The following HNF1A variants were observed in gnomAD, a reference collection of about 807,000 sequenced individuals.
The protein encoded by HNF1A is hepatocyte nuclear factor 1-alpha.
HNF1A carries 21 observed loss-of-function variants against 62.2 expected under a neutral mutation model. That is an observed-to-expected ratio of 0.34 (90% CI 0.24 to 0.49). The LOEUF (loss-of-function observed/expected upper bound fraction) is 0.49. HNF1A is among the 20% of genes least tolerant of loss of function. The probability of loss-of-function intolerance (pLI) is 0.99; values close to 1 mark genes in which losing one functional copy is unlikely to be tolerated. For missense variants in HNF1A, 687 were observed against 832.3 expected, an observed-to-expected ratio of 0.83 and a Z score of 2.15; for synonymous variants, 374 against 366.8, an observed-to-expected ratio of 1.02 and a Z score of -0.22.
intron 9 of HNF1A, 150 bp downstream of exon 9, chr12:120,999,777 G>A (rs1877334982): frequency 1.8e-6 from 2 of 1,113,820 alleles, no homozygotes; most frequent in Non-Finnish European, 2.5e-6. Flanking sequence ...GTGGAGGGGT[G>A]GGGTGGGCTT....
rs765239803 is a variant in HNF1A, at chr12:120,996,623, A to G, written c.1190A>G (p.Asn397Ser). 1.2e-6 allele frequency: 2 copies of G among 1,614,046 alleles called. No homozygotes were observed. Among genetic ancestry groups the G allele is most frequent in the Middle Eastern group, 1.6e-4 (1 of 6,062 alleles). The change falls in exon 6 of 10, where the codon AAC becomes AGC. Residue 397 changes from asparagine (N) to serine (S), a missense_variant. Asn to Ser is a conservative substitution (Grantham distance 46). Around this residue, in one of 5 missense-constraint regions of HNF1A, gnomAD observed 408 missense variants for 455.3 expected, o/e 0.90. Coordinates refer to ENST00000257555, the MANE Select transcript of HNF1A (RefSeq NM_000545.8). This position sits in a 1 kb window ranked among gnomAD's most constrained non-coding sequence, Gnocchi z 4.5. ...TTGGAGCAGACATCCCCAGGCCTCAACCAGCAGCCCCAGAACCTCATCATG... is the reference window on the plus strand; with the variant it reads ...TTGGAGCAGACATCCCCAGGCCTCAGCCAGCAGCCCCAGAACCTCATCATG... ...HSLEQTSPGL[N>S]QQPQNLIMAS...
In HNF1A at chr12:120,978,740, G is replaced by A. The variant is rs376961226; in HGVS notation, c.-29G>A. The A allele has an allele frequency of 1.9e-4, 305 of 1,609,102 alleles. 1 individual carries two copies. In the African/African-American group the frequency reaches 3.6e-3, roughly 19 times the overall value. On this transcript the variant is annotated 5_prime_UTR_variant, in exon 1 of 10. Transcript: ENST00000257555. Reference sequence around the variant, plus strand: ...GGGAGGCGGCTAGCGTGGTGGACCCGGGCCGCGTGGCCCTGTGGCAGCCGA... The same window carrying A: ...GGGAGGCGGCTAGCGTGGTGGACCCAGGCCGCGTGGCCCTGTGGCAGCCGA...
At chr12:120,997,732 A>T in intron 7 of HNF1A, 67 bp downstream of exon 7, 4 of 1,497,564 alleles carry the variant, frequency 2.7e-6, no homozygotes, top group Non-Finnish European at 3.7e-6. Flanking sequence ...GATGCAGGGG[A>T]AAGGGGTGCC....
intron 1 of HNF1A, among the ~76,000 whole-genome samples, chr12:120,987,371 A>G (rs1876563271): frequency 6.7e-6 from 1 of 148,618 alleles, no homozygotes; most frequent in Non-Finnish European, 1.5e-5. Flanking sequence ...GCTACTTGGG[A>G]GGCTGAGGCA....
rs1025148917 is a variant in HNF1A at position 120,999,559 on chromosome 12, T to C, written c.1700T>C (p.Val567Ala). 1 of 1,612,570 alleles carries C rather than the reference T, an allele frequency of 6.2e-7. No individual in the cohort carries two copies. The highest frequency in any genetic ancestry group is 1.7e-5 in the Admixed American group (1 of 59,952). Residue 567 changes from valine (V) to alanine (A), a missense_variant, in exon 9 of 10, where the codon GTC becomes GCC. Around this residue, in one of 5 missense-constraint regions of HNF1A, gnomAD observed 408 missense variants for 455.3 expected, o/e 0.90. Transcript: ENST00000257555. ...TPASQATTLH[V>A]PSQDPASIQH... The stretch of plus-strand genomic sequence containing the variant: ...GCATCTCAGGCCACCACCCTCCACG[T>C]CCCCAGCCAGGACCCTGCCAGCATC...
At chr12:120,987,611 C>CATAT (rs762199403) in intron 1 of HNF1A, among the ~76,000 whole-genome samples, 19 of 141,758 alleles carry the variant, frequency 1.3e-4, no homozygotes, top group Middle Eastern at 3.8e-3. Flanking sequence ...TATATATACA[C>CATAT]ATATATATAT....
chr12:120,987,489 A>G (rs1876572194), intron 1 of HNF1A, among the ~76,000 whole-genome samples: 1 of 151,088 alleles, frequency 6.6e-6, no homozygotes, highest in Non-Finnish European at 1.5e-5. Flanking sequence ...AAAAAAAAAA[A>G]AAAGAAAAAG....
At chr12:120,993,862 C>T (rs1485894386) in intron 3 of HNF1A, among the ~76,000 whole-genome samples, 156 bp downstream of exon 3, 1 of 152,168 alleles carries the variant, frequency 6.6e-6, no homozygotes, top group Non-Finnish European at 1.5e-5. Context: ...ATACTTGAAC[C>T]TAAGCCCATT....
intron 1 of HNF1A, among the ~76,000 whole-genome samples, chr12:120,982,458 GGA>G (rs1385163289): frequency 7.0e-6 from 1 of 143,336 alleles, no homozygotes; most frequent in African/African-American, 2.6e-5. Flanking sequence ...AGCCACGGCA[GGA>G]GGGGGGGGGG....
chr12:120,987,212 C>T (rs1285925102), intron 1 of HNF1A, among the ~76,000 whole-genome samples: 3 of 151,982 alleles, frequency 2.0e-5, no homozygotes, highest in Non-Finnish European at 4.4e-5. Flanking sequence ...CGGTGGCTCA[C>T]GCCAGTAATC....
chr12:120,991,186 G>C (rs1048224576), intron 2 of HNF1A, among the ~76,000 whole-genome samples: 4 of 152,218 alleles, frequency 2.6e-5, no homozygotes. Flanking sequence ...GAAGTGGACT[G>C]CTGGAACACA....
rs2135832953 is a variant in HNF1A, at chr12:120,989,022, G to A, written c.516G>A (p.Glu172=). 1 of 1,614,200 alleles carries A rather than the reference G, an allele frequency of 6.2e-7. No homozygotes were observed. The highest frequency in any genetic ancestry group is 8.5e-7 in the Non-Finnish European group (1 of 1,180,036). ...CCTGGTACGTCCGCAAGCAGCGAGAGGTGGCGCAGCGTAAGTAATGACCCT... is the reference window on the plus strand; with the variant it reads ...CCTGGTACGTCCGCAAGCAGCGAGAAGTGGCGCAGCGTAAGTAATGACCCT... ...LYTWYVRKQR[E]VAQQFTHAGQ... The change falls in exon 2 of 10, where the codon GAG becomes GAA. Residue 172 remains glutamate (E), a synonymous_variant. Coordinates refer to ENST00000257555, the MANE Select transcript of HNF1A (RefSeq NM_000545.8).
At position 120,996,218 on chromosome 12, in the gene HNF1A, CA is replaced by C; in HGVS notation, c.956-43del. ...TGAGGGCTGTGGAGGCAGGGGAGGG[CA>C]GGGAAGTGGGGTGCTGAGGCAGGAC... On this transcript the variant is annotated intron_variant, in intron 4 of 9. Coordinates refer to ENST00000257555, the MANE Select transcript of HNF1A (RefSeq NM_000545.8). This position sits in a 1 kb window ranked among gnomAD's most constrained non-coding sequence, Gnocchi z 4.5. 6.2e-7 allele frequency: 1 copy of C among 1,610,252 alleles called. No homozygotes were observed. Among genetic ancestry groups the C allele is most frequent in the South Asian group, 1.1e-5 (1 of 90,982 alleles).
chr12:120,999,775 G>A (rs1273339289), intron 9 of HNF1A, 148 bp downstream of exon 9: 11 of 1,126,640 alleles, frequency 9.8e-6, no homozygotes, highest in Non-Finnish European at 1.3e-5. Context: ...GCGTGGAGGG[G>A]TGGGGTGGGC....
rs1213573779 is a variant in HNF1A, at chr12:120,997,406, T to C, written c.1310-68T>C. The stretch of plus-strand genomic sequence containing the variant: ...CTCTGGGAAGGAGAGGTGGTGCCCT[T>C]GGGAGGTCTTGGGCAGGGGTGGGAT... On this transcript the variant is annotated intron_variant, in intron 6 of 9. Transcript: ENST00000257555. 22 of 1,490,300 alleles carry C rather than the reference T, an allele frequency of 1.5e-5. No individual in the cohort carries two copies. The East Asian group carries it at 5.1e-4, about 35-fold the overall frequency. The allele number at this position is 1,490,300 out of a possible 1,614,324, so 92.3% of individuals were successfully genotyped here.
chr12:120,994,627 A>G (rs1876998103), intron 4 of HNF1A, among the ~76,000 whole-genome samples: 1 of 150,512 alleles, frequency 6.6e-6, no homozygotes, highest in Non-Finnish European at 1.5e-5. Context: ...ATCCACCACA[A>G]TTAACCCCAT....
chr12:120,987,137 A>G (rs1339138096), intron 1 of HNF1A, among the ~76,000 whole-genome samples: 2 of 151,886 alleles, frequency 1.3e-5, no homozygotes, highest in African/African-American at 2.4e-5. Context: ...TTTTGGTACT[A>G]TGAGGCCTCT....
rs182450754 is a variant in HNF1A, at chr12:120,985,810, C to T, written c.327-3023C>T. ...GACCAGCCTGGCCAACATGGTGAAA[C>T]CCTGTCTCTACTAAAAATATAAAAA... is the stretch of plus-strand genomic sequence containing the variant. On this transcript the variant is annotated intron_variant, in intron 1 of 9. Transcript: ENST00000257555. Among the ~76,000 whole-genome samples, 83 of 151,916 alleles carry T rather than the reference C, an allele frequency of 5.5e-4. 1 individual carries two copies. Among genetic ancestry groups the T allele is most frequent in the African/African-American group, 1.9e-3 (80 of 41,426 alleles).
rs886049034 is a variant in HNF1A, at chr12:120,999,638, C to T, written c.1768+11C>T. ...GCGCCAGCCCCACAGGTGAGAGGCC[C>T]TGGCTCCACCCCCTCCCTTACTGTC... On this transcript the variant is annotated intron_variant, in intron 9 of 9. Coordinates refer to ENST00000257555, the MANE Select transcript of HNF1A (RefSeq NM_000545.8). 3.7e-6 allele frequency: 6 copies of T among 1,605,658 alleles called. No homozygotes were observed. The highest frequency in any genetic ancestry group is 5.1e-6 in the Non-Finnish European group (6 of 1,177,994).
Sources: gnomAD v4.1 joint callset for allele counts (sites outside exome capture counted in the v4.1 genomes callset) on GRCh38, gnomAD v4.1.1 for gene constraint, gnomAD v4.1.1 regional missense constraint, Gnocchi (gnomAD v3.1) non-coding constraint, MANE v1.5 for transcripts, NCBI Gene and HGNC (gene_info 2026-07-23, HGNC 2026-07-21) for gene names.